The following PIGN variants were observed in gnomAD, a reference collection of about 807,000 sequenced individuals.
PIGN encodes phosphatidylinositol glycan anchor biosynthesis class N, also known as GPI ethanolamine phosphate transferase 1.
PIGN carries 117 observed loss-of-function variants against 125.4 expected under a neutral mutation model. The ratio of observed to expected loss-of-function variants is 0.93; its 90% CI spans 0.80 to 1.09. The LOEUF (loss-of-function observed/expected upper bound fraction) is 1.09. Among genes scored for constraint, PIGN ranks in the 50% least tolerant of loss-of-function variants. The pLI is 0.00. For synonymous variants in PIGN, 392 were observed against 377.8 expected (o/e 1.04, Z -0.44); for missense variants, 1,075 against 1,094.9 (o/e 0.98, Z 0.26).
rs112275156 is a variant in PIGN at position 62,134,254 on chromosome 18, G to A, written c.1172+3989C>T. On this transcript the variant is annotated intron_variant, in intron 14 of 30. Transcript: ENST00000640252. Reference sequence around the variant, plus strand: ...CTAAAAACACAAAAATTAGCTGGGCGTGGTGGCGTGCTTGTAAGCCCAGCT... The same window carrying A: ...CTAAAAACACAAAAATTAGCTGGGCATGGTGGCGTGCTTGTAAGCCCAGCT... Among the ~76,000 whole-genome samples, 184 of 152,150 alleles carry A rather than the reference G, an allele frequency of 1.2e-3. 6 individuals are homozygous for A. In the East Asian group the frequency reaches 0.031, roughly 25 times the overall value.
chr18:62,176,864 A>C (rs62096119), intron 1 of PIGN, among the ~76,000 whole-genome samples: 5 of 151,644 alleles, frequency 3.3e-5, no homozygotes, highest in Admixed American at 1.3e-4. Context: ...TGATGTTTAC[A>C]TAAGATGTTT....
At chr18:62,127,336 C>A (rs769658712) in intron 14 of PIGN, among the ~76,000 whole-genome samples, 4 of 152,148 alleles carry the variant, frequency 2.6e-5, no homozygotes, top group Non-Finnish European at 4.4e-5. Flanking sequence ...TACAGTTTGA[C>A]AAAATTATCT....
In PIGN at chr18:62,157,667, A is replaced by G. The variant is rs1338482758; in HGVS notation, c.343+20T>C. 6 of 1,601,826 alleles carry G rather than the reference A, an allele frequency of 3.7e-6. No homozygotes were observed. The highest frequency in any genetic ancestry group is 5.1e-6 in the Non-Finnish European group (6 of 1,173,424). On this transcript the variant is annotated intron_variant, in intron 5 of 30. Coordinates refer to ENST00000640252, the MANE Select transcript of PIGN (RefSeq NM_176787.5). ...CTTGACAAATTTTTCATTTCATAAG[A>G]TTGTCCAAATAGACAATACCTTTGG... is the stretch of plus-strand genomic sequence containing the variant.
chr18:62,142,848 A>G (rs1476241614), intron 11 of PIGN, among the ~76,000 whole-genome samples: 4 of 152,216 alleles, frequency 2.6e-5, no homozygotes, highest in African/African-American at 9.6e-5. Context: ...TAGCTGAGTA[A>G]TTTATAATCT....
In PIGN at chr18:62,157,209, A is replaced by G. The variant is rs771455717; in HGVS notation, c.362T>C (p.Val121Ala). ...AVAKGWKENP[V>A]EFDSLFNESK... The stretch of plus-strand genomic sequence containing the variant: ...TTCATTAAAAAGAGAATCAAACTCT[A>G]CAGGATTTTCCTTCCATCCTTCAGA... Residue 121 changes from valine (V) to alanine (A), a missense_variant, in exon 6 of 31, where the codon GTA becomes GCA. Around this residue, in one of 3 missense-constraint regions of PIGN, gnomAD observed 152 missense variants for 162.9 expected, o/e 0.93. Transcript: ENST00000640252. The G allele has an allele frequency of 1.9e-6, 3 of 1,604,366 alleles. No homozygotes were observed. Among genetic ancestry groups the G allele is most frequent in the South Asian group, 1.1e-5 (1 of 89,776 alleles).
intron 11 of PIGN, among the ~76,000 whole-genome samples, chr18:62,141,570 T>C (rs2036136529): frequency 1.3e-5 from 2 of 152,226 alleles, no homozygotes; most frequent in African/African-American, 4.8e-5. Context: ...AGATTGTCAT[T>C]ACCAGGTACC....
rs2034418988 is a variant in PIGN at position 62,101,113 on chromosome 18, A to C, written c.2039T>G (p.Leu680Arg). The change falls in exon 22 of 31, where the codon CTG becomes CGG. Residue 680 changes from leucine to arginine, a missense_variant. Around this residue, in one of 3 missense-constraint regions of PIGN, gnomAD observed 915 missense variants for 908.7 expected, o/e 1.01. Transcript: ENST00000640252. ...GCTAATAATTTGATTCATGAGAGGC[A>C]GTCCTTGCTTCCTGAGTAGACTACT... ...TQSSLLRKQG[L>R]PLMNQIISWA... is the part of the protein sequence containing the mutation. The C allele has an allele frequency of 1.2e-6, 2 of 1,611,244 alleles. No individual in the cohort carries two copies. Among genetic ancestry groups the C allele is most frequent in the Non-Finnish European group, 1.7e-6 (2 of 1,177,790 alleles).
In PIGN at chr18:62,066,541, C is replaced by T. The variant is rs554204137; in HGVS notation, c.2672+6132G>A. Among the ~76,000 whole-genome samples, 17 of 152,278 alleles carry T rather than the reference C, an allele frequency of 1.1e-4. 1 individual carries two copies. In the South Asian group the frequency reaches 2.7e-3, roughly 24 times the overall value. ...GCAATCCTTTGACTGACATCCTGGG[C>T]CTCCTACTCAAGTTTGAGCTTCTAT... On this transcript the variant is annotated intron_variant, in intron 30 of 30. Coordinates refer to ENST00000640252, the MANE Select transcript of PIGN (RefSeq NM_176787.5).
rs144074253 is a variant in PIGN at position 62,130,538 on chromosome 18, T to TAA, written c.1172+7703_1172+7704dup. 5.4e-4 allele frequency among the ~76,000 whole-genome samples: 81 copies of TAA among 151,210 alleles called. 2 individuals are homozygous for TAA. The highest frequency in any genetic ancestry group is 1.8e-4 in the Non-Finnish European group (12 of 67,700). On this transcript the variant is annotated intron_variant, in intron 14 of 30. Coordinates refer to ENST00000640252, the MANE Select transcript of PIGN (RefSeq NM_176787.5). ...ATCTATAAACATGTCATGTTTAAGT[T>TAA]AAAAAAAAAGAGAGAAATGAGTTGT...
At chr18:62,074,849 A>G in intron 28 of PIGN, 28 bp from the exon 29 acceptor site, 4 of 1,505,240 alleles carry the variant, frequency 2.7e-6, no homozygotes, top group Non-Finnish European at 3.7e-6. Flanking sequence ...GAAAAATTAC[A>G]TCTAATACAA....
chr18:62,084,274 C>T (rs2033584862), intron 27 of PIGN, among the ~76,000 whole-genome samples: 2 of 152,194 alleles, frequency 1.3e-5, no homozygotes, highest in African/African-American at 4.8e-5. Flanking sequence ...TAGCTTCCCA[C>T]AGGCTTTAAT....
At chr18:62,102,384 A>G (rs1284242901) in intron 21 of PIGN, among the ~76,000 whole-genome samples, 1 of 150,434 alleles carries the variant, frequency 6.6e-6, no homozygotes, top group African/African-American at 2.5e-5. Flanking sequence ...ACCATGCTGA[A>G]GTTTATTTTC....
At chr18:62,074,686 A>T (rs2033076613) in intron 29 of PIGN, 93 bp downstream of exon 29, 2 of 756,206 alleles carry the variant, frequency 2.6e-6, no homozygotes, top group African/African-American at 3.6e-5. Context: ...ACATCTAAAG[A>T]TTTCACGTAC....
intron 30 of PIGN, among the ~76,000 whole-genome samples, chr18:62,057,951 C>T (rs1483160724): frequency 6.6e-6 from 1 of 152,208 alleles, no homozygotes; most frequent in African/African-American, 2.4e-5. Context: ...GCACACTCTT[C>T]CACTATCAGT....
At chr18:62,077,337 C>A (rs1248473377) in intron 28 of PIGN, among the ~76,000 whole-genome samples, 1 of 152,182 alleles carries the variant, frequency 6.6e-6, no homozygotes, top group African/African-American at 2.4e-5. Context: ...CACACCACTG[C>A]ACTCCAGCCT....
intron 30 of PIGN, among the ~76,000 whole-genome samples, chr18:62,053,550 T>C (rs902600782): frequency 6.6e-6 from 1 of 152,206 alleles, no homozygotes; most frequent in African/African-American, 2.4e-5. Flanking sequence ...ACATGCTGTC[T>C]AAAAGACACT....
chr18:62,058,526 T>C (rs1432689300), intron 30 of PIGN, among the ~76,000 whole-genome samples: 1 of 152,216 alleles, frequency 6.6e-6, no homozygotes, highest in Non-Finnish European at 1.5e-5. Context: ...CTAACTTTCA[T>C]ATTTTCAAAA....
chr18:62,065,531 T>G (rs374318113), intron 30 of PIGN, among the ~76,000 whole-genome samples: 33 of 151,624 alleles, frequency 2.2e-4, no homozygotes, highest in Non-Finnish European at 2.8e-4. Context: ...GAGGTCAGAA[T>G]ATCGAGACCA....
intron 23 of PIGN, chr18:62,017,772 G>A (rs575166368): frequency 6.6e-6 from 1 of 151,888 alleles, no homozygotes; most frequent in East Asian, 1.9e-4. Context: ...AAAAAAGCAT[G>A]ACCTTTGAGA....
Sources: allele counts gnomAD v4.1 joint callset (sites outside exome capture counted in the v4.1 genomes callset), GRCh38; gene constraint gnomAD v4.1.1; regional missense constraint gnomAD v4.1.1; transcripts MANE v1.5; gene names NCBI Gene and HGNC (gene_info 2026-07-23, HGNC 2026-07-21).